The following ACAD10 variants were observed in gnomAD, a reference collection of about 807,000 sequenced individuals.
ACAD10 encodes the protein ACAD-10.
A neutral mutation model predicts 116.8 loss-of-function variants in ACAD10; 112 were observed. That is an observed-to-expected ratio of 0.96 (90% CI 0.82 to 1.12). The LOEUF (loss-of-function observed/expected upper bound fraction) is 1.12, where lower values mean the gene tolerates loss of function less well. Among genes scored for constraint, ACAD10 ranks in the 50% most tolerant of loss-of-function variants. The probability of loss-of-function intolerance (pLI) is 0.00; values close to 1 mark genes in which losing one functional copy is unlikely to be tolerated. For synonymous variants in ACAD10, 486 were observed against 510.6 expected (o/e 0.95, Z 0.65); for missense variants, 1,259 against 1,350.2 (o/e 0.93, Z 1.06).
chr12:111,706,729 G>C (rs1044401239), intron 4 of ACAD10, among the ~76,000 whole-genome samples: 4 of 149,340 alleles, frequency 2.7e-5, no homozygotes, highest in African/African-American at 9.8e-5. Context: ...GGGATTACAA[G>C]TATGAGCCAC....
At chr12:111,752,180 G>A (rs1593057623) in intron 18 of ACAD10, among the ~76,000 whole-genome samples, 2 of 152,004 alleles carry the variant, frequency 1.3e-5, no homozygotes, top group East Asian at 3.9e-4. Context: ...ACCTGTGAGT[G>A]TGCCATTGCA....
At chr12:111,732,749 G>A (rs561141415) in intron 10 of ACAD10, among the ~76,000 whole-genome samples, 3 of 152,222 alleles carry the variant, frequency 2.0e-5, no homozygotes, top group Non-Finnish European at 4.4e-5. Context: ...TAGAGGAACC[G>A]CTGAAGAACA....
At chr12:111,690,755 A>G (rs1343812323) in intron 1 of ACAD10, among the ~76,000 whole-genome samples, 2 of 149,584 alleles carry the variant, frequency 1.3e-5, no homozygotes, top group East Asian at 3.9e-4. Context: ...ACTACACTCC[A>G]GCCTGGGCAA....
At chr12:111,736,125 C>A (rs1889553129) in intron 11 of ACAD10, among the ~76,000 whole-genome samples, 1 of 151,862 alleles carries the variant, frequency 6.6e-6, no homozygotes, top group Admixed American at 6.6e-5. Flanking sequence ...AAATGATCTG[C>A]CCTCCTCGGC....
intron 17 of ACAD10, chr12:111,748,724 A>T (rs1889986693): frequency 1.7e-6 from 1 of 581,688 alleles, no homozygotes; most frequent in Non-Finnish European, 3.0e-6. Flanking sequence ...TCTGTGACAC[A>T]GGAAGCCATA....
rs182081902 is a variant in ACAD10 at position 111,686,584 on chromosome 12, C to T, written c.-14+345C>T. Among the ~76,000 whole-genome samples, 7 of 152,208 alleles carry T rather than the reference C, an allele frequency of 4.6e-5. No homozygotes were observed. The East Asian group carries it at 1.2e-3, about 25-fold the overall frequency. On this transcript the variant is annotated intron_variant, in intron 1 of 20. Transcript: ENST00000313698. ...ACAAAAAATTAGCCGGGCTTGGTGG[C>T]GCGCGTCTGTAGTCCAAGCTACTTG...
At chr12:111,726,551 A>G (rs1889218097) in intron 8 of ACAD10, among the ~76,000 whole-genome samples, 1 of 152,148 alleles carries the variant, frequency 6.6e-6, no homozygotes, top group African/African-American at 2.4e-5. Flanking sequence ...TGAAGTATGT[A>G]TGTTTTACAG....
intron 8 of ACAD10, among the ~76,000 whole-genome samples, chr12:111,727,590 G>T (rs1480913364): frequency 6.6e-6 from 1 of 152,116 alleles, no homozygotes; most frequent in African/African-American, 2.4e-5. Flanking sequence ...GACTCCAGAG[G>T]TCCTTCTCTG....
intron 14 of ACAD10, 88 bp from the exon 15 acceptor site, chr12:111,746,961 C>T (rs1362635296): frequency 1.1e-5 from 17 of 1,496,106 alleles, no homozygotes; most frequent in East Asian, 2.3e-5. Context: ...GATCGTGCCA[C>T]GATACTCCAG....
Position 111,736,850 on chromosome 12 carries a change from G to A in ACAD10, c.1560G>A (p.Leu520=), listed in dbSNP as rs778861218. The A allele has an allele frequency of 4.3e-6, 7 of 1,613,688 alleles. No homozygotes were observed. The highest frequency in any genetic ancestry group is 8.5e-7 in the Non-Finnish European group (1 of 1,179,840). ...TCGCAGGTATTAATGACTGTGACTTGACACAGCTGGGAATCCCTGCTGCAG... is the reference window on the plus strand; with the variant it reads ...TCGCAGGTATTAATGACTGTGACTTAACACAGCTGGGAATCCCTGCTGCAG... ...PVLRGINDCD[L]TQLGIPAAEE... The change falls in exon 12 of 21, where the codon TTG becomes TTA. Residue 520 remains leucine (L), a synonymous_variant. Transcript: ENST00000313698.
chr12:111,692,445 C>T (rs1020815521), intron 1 of ACAD10, among the ~76,000 whole-genome samples: 3 of 152,078 alleles, frequency 2.0e-5, no homozygotes, highest in Non-Finnish European at 2.9e-5. Flanking sequence ...CTAGATAGGG[C>T]GAGGTGAGGT....
At chr12:111,739,975 A>C (rs1872653297) in intron 12 of ACAD10, among the ~76,000 whole-genome samples, 1 of 152,156 alleles carries the variant, frequency 6.6e-6, no homozygotes, top group African/African-American at 2.4e-5. Context: ...GTTTTTTAAA[A>C]AACATTTGTT....
chr12:111,712,474 T>C, intron 5 of ACAD10, 24 bp from the exon 6 acceptor site: 1 of 1,596,320 alleles, frequency 6.3e-7, no homozygotes, highest in Non-Finnish European at 8.5e-7. Context: ...AAAATATACA[T>C]CTACATATTC....
intron 1 of ACAD10, among the ~76,000 whole-genome samples, chr12:111,691,840 G>A (rs1195862449): frequency 2.0e-5 from 3 of 152,052 alleles, no homozygotes; most frequent in African/African-American, 7.2e-5. Flanking sequence ...CAGGTGTTCT[G>A]CCCATCTCAG....
intron 13 of ACAD10, 111 bp from the exon 14 acceptor site, chr12:111,746,007 CTCATATCATTTTTTTGGGCACACGTG>C (rs1889883333): frequency 9.2e-7 from 1 of 1,086,680 alleles, no homozygotes. Context: ...TGCCCAGCTC[CTCATATCATTTTTTTGGGCACACGTG>C]CATGTTTGGT....
chr12:111,736,311 C>T (rs1889562700), intron 11 of ACAD10, among the ~76,000 whole-genome samples: 1 of 151,958 alleles, frequency 6.6e-6, no homozygotes, highest in South Asian at 2.1e-4. Flanking sequence ...CTCAGCCTCC[C>T]TCCCAGGTAG....
At chr12:111,747,987 C>CCGTT (rs1318576427) in intron 16 of ACAD10, among the ~76,000 whole-genome samples, 2 of 152,122 alleles carry the variant, frequency 1.3e-5, no homozygotes, top group Non-Finnish European at 2.9e-5. Flanking sequence ...GGGCCCAGAG[C>CCGTT]CGTTATGTGT....
Position 111,746,907 on chromosome 12 carries a change from G to A in ACAD10, c.2257-142G>A. ...CAGCTGCTTGGGAAGCTGAGGCATGGGAGGATGGCTTGAGCTGAGGAAGTC... is the reference window on the plus strand; with the variant it reads ...CAGCTGCTTGGGAAGCTGAGGCATGAGAGGATGGCTTGAGCTGAGGAAGTC... On this transcript the variant is annotated intron_variant, in intron 14 of 20. Transcript: ENST00000313698. The A allele has an allele frequency of 3.6e-6, 4 of 1,114,706 alleles. No homozygotes were observed. The South Asian group carries it at 6.9e-5, about 19-fold the overall frequency. 69.1% of individuals were successfully genotyped at this position (1,114,706 alleles called of 1,614,324 possible). A position where few individuals can be genotyped will look rare whatever the true frequency, so the allele number is the denominator to read the frequency against.
chr12:111,736,941 A>G lies in ACAD10; in HGVS notation c.1651A>G (p.Met551Val). The G allele has an allele frequency of 3.1e-6, 5 of 1,613,964 alleles. No homozygotes were observed. The highest frequency in any genetic ancestry group is 3.4e-6 in the Non-Finnish European group (4 of 1,179,964). ...LPPTENWNFY[M>V]AFSFFRVAAI... ...TCCCACTGAGAACTGGAACTTCTATATGGCTTTTTCCTTTTTCCGTGTGGC... is the reference window on the plus strand; with the variant it reads ...TCCCACTGAGAACTGGAACTTCTATGTGGCTTTTTCCTTTTTCCGTGTGGC... Residue 551 changes from methionine (M) to valine (V), a missense_variant, in exon 12 of 21, where the codon ATG (methionine) becomes GTG (valine). Physicochemically the swap from Met to Val is conservative, Grantham distance 21 (BLOSUM62 1). Transcript: ENST00000313698.
Sources: gnomAD v4.1 joint callset for allele counts (sites outside exome capture counted in the v4.1 genomes callset) on GRCh38, gnomAD v4.1.1 for gene constraint, MANE v1.5 for transcripts, NCBI Gene and HGNC (gene_info 2026-07-23, HGNC 2026-07-21) for gene names.